Variants in LSAMP observed in about 807,000 individuals in gnomAD.
LSAMP encodes the protein limbic system-associated membrane protein.
In LSAMP, 7 loss-of-function variants were observed where a neutral mutation model predicts 38.6. The observed-to-expected ratio is 0.18, with a 90% CI of 0.10 to 0.34. The LOEUF is 0.34. Among genes scored for constraint, LSAMP ranks in the 10% least tolerant of loss-of-function variants. The pLI is 1.00. For synonymous variants in LSAMP, 154 were observed against 166.8 expected (o/e 0.92, Z 0.59); for missense variants, 313 against 420.0 (o/e 0.75, Z 2.23).
intron 1 of LSAMP, among the ~76,000 whole-genome samples, chr3:116,419,937 A>C (rs1359378064): frequency 1.3e-5 from 2 of 152,200 alleles, no homozygotes; most frequent in Non-Finnish European, 2.9e-5. Context: ...TTGACTTAGA[A>C]ATTCTAAGTT....
rs78637000 is a variant in LSAMP at position 116,393,790 on chromosome 3, A to G, written c.155+51087T>C. Among the ~76,000 whole-genome samples, 177 of 152,354 alleles carry G rather than the reference A, an allele frequency of 1.2e-3. 1 individual carries two copies. Among genetic ancestry groups the G allele is most frequent in the African/African-American group, 3.9e-3 (163 of 41,578 alleles). ...AGTCTGTAGAGATAAGGTTTTATTG[A>G]TAAACTAAATATAATGTTGTGATGA... On this transcript the variant is annotated intron_variant, in intron 1 of 6. Coordinates refer to ENST00000490035, the MANE Select transcript of LSAMP (RefSeq NM_002338.5).
At chr3:115,897,637 C>T (rs996152419) in intron 3 of LSAMP, among the ~76,000 whole-genome samples, 5 of 151,930 alleles carry the variant, frequency 3.3e-5, no homozygotes, top group African/African-American at 4.8e-5. Context: ...GCTTTTATTC[C>T]CATACAAATA....
intron 3 of LSAMP, among the ~76,000 whole-genome samples, chr3:115,928,847 T>C (rs955692679): frequency 2.0e-5 from 3 of 152,142 alleles, no homozygotes. Context: ...TCTGAGGGAA[T>C]GTTAAGGTAT....
chr3:116,277,164 A>T (rs1172946640), intron 1 of LSAMP, among the ~76,000 whole-genome samples: 1 of 152,222 alleles, frequency 6.6e-6, no homozygotes, highest in African/African-American at 2.4e-5. Flanking sequence ...CTGTAAAAAT[A>T]AATTAATTAT....
intron 3 of LSAMP, among the ~76,000 whole-genome samples, chr3:115,961,252 C>T (rs993124522): frequency 1.3e-5 from 2 of 152,128 alleles, no homozygotes; most frequent in African/African-American, 4.8e-5. Context: ...TTTCCAGCCT[C>T]CTAAAGTCAG....
At chr3:116,442,383 C>T (rs2107892015) in intron 1 of LSAMP, among the ~76,000 whole-genome samples, 1 of 152,210 alleles carries the variant, frequency 6.6e-6, no homozygotes, top group African/African-American at 2.4e-5. Context: ...TCTACTGTGG[C>T]TTCCAATGAA....
intron 3 of LSAMP, among the ~76,000 whole-genome samples, chr3:115,862,739 A>C (rs1935743519): frequency 6.6e-6 from 1 of 152,164 alleles, no homozygotes; most frequent in Non-Finnish European, 1.5e-5. Flanking sequence ...CTTCATTTTG[A>C]CCTAAAGGTA....
intron 1 of LSAMP, among the ~76,000 whole-genome samples, chr3:116,185,726 T>C (rs1710598928): frequency 6.6e-6 from 1 of 152,010 alleles, no homozygotes; most frequent in Non-Finnish European, 1.5e-5. Flanking sequence ...TAATTGTCAT[T>C]CTTCAACAGT....
intron 2 of LSAMP, among the ~76,000 whole-genome samples, chr3:116,062,306 C>T (rs1459407531): frequency 2.0e-5 from 3 of 152,186 alleles, no homozygotes; most frequent in South Asian, 2.1e-4. Flanking sequence ...GTCAAGAGTT[C>T]GAGACCAGCT....
intron 1 of LSAMP, among the ~76,000 whole-genome samples, chr3:116,439,311 A>ATTT (rs752859898): frequency 1.5e-5 from 2 of 130,744 alleles, no homozygotes; most frequent in African/African-American, 3.0e-5. Flanking sequence ...AGGTCCTGAG[A>ATTT]TTTTGTTGTT....
At chr3:116,032,573 T>A (rs1380618525) in intron 2 of LSAMP, among the ~76,000 whole-genome samples, 2 of 152,108 alleles carry the variant, frequency 1.3e-5, no homozygotes, top group African/African-American at 2.4e-5. Context: ...TTTGGAAGGC[T>A]GAGGTGTGAA....
chr3:115,874,192 T>C (rs1446903158), intron 3 of LSAMP, among the ~76,000 whole-genome samples: 1 of 152,152 alleles, frequency 6.6e-6, no homozygotes, highest in African/African-American at 2.4e-5. Flanking sequence ...TTGATTAATG[T>C]AAACGGCACA....
At chr3:116,331,916 T>C (rs140134634) in intron 1 of LSAMP, among the ~76,000 whole-genome samples, 2 of 152,260 alleles carry the variant, frequency 1.3e-5, no homozygotes, top group East Asian at 3.9e-4. Flanking sequence ...TGTATCTCAC[T>C]CACCTTGAAG....
intron 1 of LSAMP, among the ~76,000 whole-genome samples, chr3:116,342,727 C>T (rs2048012530): frequency 6.6e-6 from 1 of 152,042 alleles, no homozygotes; most frequent in Admixed American, 6.6e-5. Flanking sequence ...AAACCTCAAA[C>T]ATCAAGAGCA....
At chr3:115,834,702 A>G in intron 6 of LSAMP, 1 of 431,838 alleles carries the variant, frequency 2.3e-6, no homozygotes, top group Non-Finnish European at 3.4e-6. Flanking sequence ...ATGAATTTCC[A>G]TGCTTACAGG....
intron 3 of LSAMP, among the ~76,000 whole-genome samples, chr3:115,856,344 A>G (rs1935506727): frequency 6.6e-6 from 1 of 152,166 alleles, no homozygotes; most frequent in Non-Finnish European, 1.5e-5. Flanking sequence ...CAGGCTGGGT[A>G]TGGTGGCTTA....
chr3:116,131,423 A>G (rs772820414), intron 1 of LSAMP, among the ~76,000 whole-genome samples: 4 of 152,154 alleles, frequency 2.6e-5, no homozygotes, highest in Non-Finnish European at 1.5e-5. Context: ...ATGTGACCCA[A>G]TCAGGGTCAG....
intron 1 of LSAMP, among the ~76,000 whole-genome samples, chr3:116,342,231 T>C (rs1295010022): frequency 6.6e-6 from 1 of 151,986 alleles, no homozygotes; most frequent in Admixed American, 6.6e-5. Context: ...CTGGGAACAA[T>C]TGCATTTTGT....
intron 1 of LSAMP, among the ~76,000 whole-genome samples, chr3:116,212,792 T>C (rs570928964): frequency 2.0e-5 from 3 of 152,160 alleles, no homozygotes; most frequent in Non-Finnish European, 4.4e-5. Flanking sequence ...CATATGTACA[T>C]AGGGTTACAC....
Sources: gnomAD v4.1 joint callset for allele counts (sites outside exome capture counted in the v4.1 genomes callset) on GRCh38, gnomAD v4.1.1 for gene constraint, MANE v1.5 for transcripts, NCBI Gene and HGNC (gene_info 2026-07-23, HGNC 2026-07-21) for gene names.